KAZN: variants seen among roughly 807,000 people sequenced by gnomAD.
KAZN encodes the protein kazrin.
KAZN carries 40 observed loss-of-function variants against 87.4 expected under a neutral mutation model. The ratio of observed to expected loss-of-function variants is 0.46; its 90% CI spans 0.36 to 0.60. KAZN has a LOEUF of 0.60. Among genes scored for constraint, KAZN ranks in the 20% least tolerant of loss-of-function variants. The probability of loss-of-function intolerance (pLI) is 0.00; values close to 1 mark genes in which losing one functional copy is unlikely to be tolerated. For missense variants in KAZN, 898 were observed against 1,073.9 expected (o/e 0.84, Z 2.29); for synonymous variants, 466 against 458.3 (o/e 1.02, Z -0.22).
At chr1:14,908,437 G>A (rs1656856027) in intron 1 of KAZN, among the ~76,000 whole-genome samples, 1 of 152,226 alleles carries the variant, frequency 6.6e-6, no homozygotes, top group Admixed American at 6.5e-5. Context: ...AGCTCCTCGG[G>A]AGGCTGAGGC....
intron 1 of KAZN, among the ~76,000 whole-genome samples, chr1:14,718,573 T>G (rs1490402955): frequency 6.6e-6 from 1 of 152,256 alleles, no homozygotes; most frequent in Non-Finnish European, 1.5e-5. Flanking sequence ...TATGTGTCCC[T>G]AACATTTAGT....
chr1:14,747,624 G>A (rs979195227), intron 1 of KAZN, among the ~76,000 whole-genome samples: 8 of 152,230 alleles, frequency 5.3e-5, no homozygotes, highest in East Asian at 1.9e-4. Context: ...AAGCATTTGC[G>A]TAGTTTCCAC....
At chr1:13,948,401 G>C (rs1641223933) in intron 1 of KAZN, among the ~76,000 whole-genome samples, 6 of 152,144 alleles carry the variant, frequency 3.9e-5, no homozygotes, top group Admixed American at 3.9e-4. Context: ...CCCTTCGCGG[G>C]GCACTCATTC....
At chr1:14,791,036 A>G (rs1287926607) in intron 1 of KAZN, among the ~76,000 whole-genome samples, 2 of 152,058 alleles carry the variant, frequency 1.3e-5, no homozygotes, top group African/African-American at 4.8e-5. Flanking sequence ...ATTTGCTGCC[A>G]TCTCTCTGCC....
chr1:15,029,337 G>T (rs1321315589), intron 2 of KAZN, among the ~76,000 whole-genome samples: 1 of 152,208 alleles, frequency 6.6e-6, no homozygotes. Context: ...TACAGTAGGT[G>T]CTTAATTGAA....
chr1:14,624,927 AG>A (rs1266020253), intron 1 of KAZN, among the ~76,000 whole-genome samples: 1 of 152,118 alleles, frequency 6.6e-6, no homozygotes, highest in East Asian at 1.9e-4. Flanking sequence ...AGACATTACC[AG>A]AAACTTCACC....
chr1:14,305,203 T>A (rs1268121019), intron 2 of KAZN, among the ~76,000 whole-genome samples: 1 of 152,166 alleles, frequency 6.6e-6, no homozygotes, highest in Non-Finnish European at 1.5e-5. Context: ...TCTCCCACCT[T>A]GTCCAACTCA....
chr1:14,189,418 A>T (rs1259711495), intron 2 of KAZN, among the ~76,000 whole-genome samples: 3 of 152,180 alleles, frequency 2.0e-5, no homozygotes, highest in African/African-American at 7.2e-5. Flanking sequence ...GCTGCCTTAA[A>T]AAACCATCCC....
At chr1:14,829,887 G>C (rs1647006250) in intron 1 of KAZN, among the ~76,000 whole-genome samples, 1 of 152,246 alleles carries the variant, frequency 6.6e-6, no homozygotes, top group Non-Finnish European at 1.5e-5. Context: ...GCCCTGTTCA[G>C]GGGCAGTCCC....
chr1:15,057,637 C>T (rs1638411044), intron 5 of KAZN, among the ~76,000 whole-genome samples: 1 of 152,166 alleles, frequency 6.6e-6, no homozygotes, highest in Non-Finnish European at 1.5e-5. Flanking sequence ...CCTTCAAAGC[C>T]TCAACTCAGA....
intron 1 of KAZN, among the ~76,000 whole-genome samples, chr1:14,002,123 A>T (rs1639820436): frequency 6.6e-6 from 1 of 152,282 alleles, no homozygotes; most frequent in Admixed American, 6.5e-5. Flanking sequence ...TCTAATATCC[A>T]GAATATACAA....
Position 14,325,570 on chromosome 1 carries a change from C to G in KAZN, c.249+144978C>G, listed in dbSNP as rs145669114. On this transcript the variant is annotated intron_variant, in intron 2 of 16. Coordinates refer to the KAZN transcript ENST00000636203. ...GAGAAAAAACAGGCAAAAGAATATT[C>G]AAAAAAATGGTCAAAAGTTTCCATA... 4.4e-3 allele frequency among the ~76,000 whole-genome samples: 668 copies of G among 151,808 alleles called. 8 individuals carry two copies. Among genetic ancestry groups the G allele is most frequent in the African/African-American group, 0.015 (637 of 41,406 alleles).
chr1:14,581,824 G>A (rs574645911), intron 2 of KAZN, among the ~76,000 whole-genome samples: 1 of 152,234 alleles, frequency 6.6e-6, no homozygotes, highest in South Asian at 2.1e-4. Context: ...TCTACTCAAT[G>A]TCACCTTACT....
chr1:14,426,165 C>T (rs1198935973), intron 2 of KAZN, among the ~76,000 whole-genome samples: 1 of 152,188 alleles, frequency 6.6e-6, no homozygotes, highest in Admixed American at 6.5e-5. Context: ...CTTCTCATTT[C>T]ATGGTTTTGC....
chr1:14,771,389 T>C (rs1309101155), intron 1 of KAZN, among the ~76,000 whole-genome samples: 1 of 152,110 alleles, frequency 6.6e-6, no homozygotes, highest in Non-Finnish European at 1.5e-5. Context: ...GACAAAAATA[T>C]TTAATGTGGT....
chr1:14,666,819 C>A (rs1365278477), intron 1 of KAZN, among the ~76,000 whole-genome samples: 1 of 152,108 alleles, frequency 6.6e-6, no homozygotes, highest in Non-Finnish European at 1.5e-5. Flanking sequence ...CTCACTGCAA[C>A]CTCAGCCTCC....
intron 2 of KAZN, among the ~76,000 whole-genome samples, chr1:14,196,862 G>C (rs1014246084): frequency 4.6e-5 from 7 of 152,064 alleles, no homozygotes; most frequent in African/African-American, 1.7e-4. Flanking sequence ...CCAGCACAAA[G>C]ACTGAGATGG....
rs1557754182 is a variant in KAZN, at chr1:15,048,612, C to CATTAT, written c.726+4453_726+4454insATTAT. On this transcript the variant is annotated intron_variant, in intron 4 of 14. Transcript: ENST00000376030. ...GTCCTGGGTCGTCGGTCCTGGGTCG[C>CATTAT]TGGTCCTGGGTCGTCGGTCCTGGGT... 4.5e-3 allele frequency among the ~76,000 whole-genome samples: 358 copies of CATTAT among 79,884 alleles called. 1 individual carries two copies. Among genetic ancestry groups the CATTAT allele is most frequent in the East Asian group, 0.038 (97 of 2,534 alleles). 52.4% of individuals were successfully genotyped at this position (79,884 alleles called of 152,430 possible).
chr1:14,104,869 G>A (rs1018938353), intron 1 of KAZN, among the ~76,000 whole-genome samples: 6 of 151,998 alleles, frequency 3.9e-5, no homozygotes, highest in Middle Eastern at 6.8e-3. Context: ...TTTTTCTTTT[G>A]CCTTCATTCC....
Sources: allele counts gnomAD v4.1 joint callset (sites outside exome capture counted in the v4.1 genomes callset), GRCh38; gene constraint gnomAD v4.1.1; transcripts MANE v1.5; gene names NCBI Gene and HGNC (gene_info 2026-07-23, HGNC 2026-07-21).